The following CACNA1B variants were observed in gnomAD, a reference collection of about 807,000 sequenced individuals.
The protein encoded by CACNA1B is calcium voltage-gated channel subunit alpha1 B, also known as voltage-dependent N-type calcium channel subunit alpha-1B.
CACNA1B carries 70 observed loss-of-function variants against 247.2 expected under a neutral mutation model. The observed-to-expected ratio is 0.28, with a 90% CI of 0.23 to 0.35. CACNA1B has a LOEUF of 0.35. Among genes scored for constraint, CACNA1B ranks in the 10% least tolerant of loss-of-function variants. The probability of loss-of-function intolerance (pLI) is 1.00; values close to 1 mark genes in which losing one functional copy is unlikely to be tolerated. For synonymous variants in CACNA1B, 1,231 were observed against 1,294.4 expected, an observed-to-expected ratio of 0.95 and a Z score of 1.05; for missense variants, 2,367 against 3,197.4, an observed-to-expected ratio of 0.74 and a Z score of 6.26.
chr9:137,898,184 G>A (rs571111185), intron 3 of CACNA1B, among the ~76,000 whole-genome samples: 12 of 152,298 alleles, frequency 7.9e-5, no homozygotes, highest in Middle Eastern at 6.8e-3. Context: ...GAAATCTTCT[G>A]TCAGCTGAGT....
At chr9:137,965,346 C>T (rs886313245) in intron 10 of CACNA1B, among the ~76,000 whole-genome samples, 5 of 152,228 alleles carry the variant, frequency 3.3e-5, no homozygotes, top group Admixed American at 2.6e-4. Flanking sequence ...CTCCTGTGTC[C>T]TGTGTTTAAA....
At chr9:138,045,494 G>T (rs893504602) in intron 21 of CACNA1B, among the ~76,000 whole-genome samples, 1 of 152,204 alleles carries the variant, frequency 6.6e-6, no homozygotes, top group South Asian at 2.1e-4. Context: ...TAAATTAGAT[G>T]TGGAAGGGGA....
chr9:138,086,732 C>G (rs1341255521), intron 36 of CACNA1B, among the ~76,000 whole-genome samples: 1 of 151,244 alleles, frequency 6.6e-6, no homozygotes, highest in Non-Finnish European at 1.5e-5. Flanking sequence ...GTACCCTATG[C>G]TCCGCATTGA....
Position 137,954,984 on chromosome 9 carries a change from G to A in CACNA1B, c.1071-714G>A, listed in dbSNP as rs1473393486. On this transcript the variant is annotated intron_variant, in intron 7 of 46. Coordinates refer to ENST00000371372, the MANE Select transcript of CACNA1B (RefSeq NM_000718.4). This position sits in a 1 kb window ranked among gnomAD's most constrained non-coding sequence, Gnocchi z 4.1. ...GGCCAGGAGGCTGGGGCTGGGCTGG[G>A]GATGCTGAGCTGGAAGGGCAAGTGT... is the stretch of plus-strand genomic sequence containing the variant. Among the ~76,000 whole-genome samples the A allele has an allele frequency of 1.3e-5, 2 of 152,018 alleles. No homozygotes were observed. The highest frequency in any genetic ancestry group is 2.9e-5 in the Non-Finnish European group (2 of 67,994).
At chr9:138,013,827 A>C (rs554259695) in intron 18 of CACNA1B, among the ~76,000 whole-genome samples, 2 of 152,304 alleles carry the variant, frequency 1.3e-5, no homozygotes, top group East Asian at 3.9e-4. Flanking sequence ...AGCTGTGGGG[A>C]GGTCAGTCCC....
Position 137,878,227 on chromosome 9 carries a change from C to CGGGCGGGGCCGGGCGGGACCG in CACNA1B, c.284+27_284+28insACCGGGGCGGGGCCGGGCGGG. On this transcript the variant is annotated intron_variant, in intron 1 of 46. Coordinates refer to ENST00000371372, the MANE Select transcript of CACNA1B (RefSeq NM_000718.4). The stretch of plus-strand genomic sequence containing the variant: ...GCATCACCGAGTGGCCATATCCTGC[C>CGGGCGGGGCCGGGCGGGACCG]GGGCGGGGCCGGGCGGGGCCGGGCG... 1 of 342,748 alleles carries CGGGCGGGGCCGGGCGGGACCG rather than the reference C, an allele frequency of 2.9e-6. No homozygotes were observed. Among genetic ancestry groups the CGGGCGGGGCCGGGCGGGACCG allele is most frequent in the Non-Finnish European group, 4.1e-6 (1 of 241,816 alleles). The allele number at this position is 342,748 out of a possible 1,614,324, so 21.2% of individuals were successfully genotyped here.
chr9:138,117,811 C>A, intron 42 of CACNA1B, 135 bp from the exon 43 acceptor site: 1 of 632,708 alleles, frequency 1.6e-6, no homozygotes, highest in Non-Finnish European at 2.6e-6. Flanking sequence ...TCAATTCAGT[C>A]CAGAACAGGG....
intron 41 of CACNA1B, among the ~76,000 whole-genome samples, 159 bp from the exon 42 acceptor site, chr9:138,115,392 AT>A (rs997348646): frequency 1.3e-4 from 20 of 152,310 alleles, no homozygotes; most frequent in African/African-American, 4.1e-4. Flanking sequence ...TTAGGGACAT[AT>A]CAGGGAAAGT....
At chr9:137,903,050 T>C (rs990929704) in intron 3 of CACNA1B, among the ~76,000 whole-genome samples, 1 of 152,214 alleles carries the variant, frequency 6.6e-6, no homozygotes, top group African/African-American at 2.4e-5. Context: ...TTGGGACAAA[T>C]GCCTAAAAGT....
rs202028375 is a variant in CACNA1B at position 138,123,756 on chromosome 9, T to A, written c.*1757T>A. On this transcript the variant is annotated 3_prime_UTR_variant, in exon 47 of 47. Transcript: ENST00000371372. ...TGTGACCAAACCTTTTTATAGAATT[T>A]CCTTACCTGAAGGCACAACACTCTG... 1.4e-4 allele frequency: 22 copies of A among 152,204 alleles called. No homozygotes were observed. Among genetic ancestry groups the A allele is most frequent in the African/African-American group, 5.3e-4 (22 of 41,526 alleles). 9.4% of individuals were successfully genotyped at this position (152,204 alleles called of 1,614,324 possible).
In CACNA1B at chr9:138,057,389, C is replaced by T. The variant is rs1959550402; in HGVS notation, c.3969-343C>T. ...CACAGAAGTGTCCGATTTGATGCGG[C>T]CTGATTTATCTGTATTTTTTATTCT... On this transcript the variant is annotated intron_variant, in intron 26 of 46. Transcript: ENST00000371372. The surrounding 1 kb of genome is among the most constrained non-coding windows in gnomAD (Gnocchi z 4.0). 6.6e-6 allele frequency among the ~76,000 whole-genome samples: 1 copy of T among 152,160 alleles called. No homozygotes were observed. The highest frequency in any genetic ancestry group is 2.4e-5 in the African/African-American group (1 of 41,434).
intron 42 of CACNA1B, among the ~76,000 whole-genome samples, chr9:138,116,309 T>C (rs1961866206): frequency 6.6e-6 from 1 of 152,264 alleles, no homozygotes; most frequent in Non-Finnish European, 1.5e-5. Flanking sequence ...GGTTCTTTTG[T>C]ATCACTTAAC....
intron 12 of CACNA1B, 127 bp downstream of exon 12, chr9:137,976,146 T>A: frequency 1.5e-6 from 1 of 646,318 alleles, no homozygotes; most frequent in Non-Finnish European, 2.8e-6. Context: ...AAAGGCTGCC[T>A]GAAGACAGTG....
chr9:138,042,237 G>A (rs1351409920), intron 20 of CACNA1B, among the ~76,000 whole-genome samples: 2 of 152,228 alleles, frequency 1.3e-5, no homozygotes, highest in African/African-American at 4.8e-5. Context: ...ATCATTTGAG[G>A]TCAGAAGTTT....
intron 3 of CACNA1B, among the ~76,000 whole-genome samples, chr9:137,886,962 C>G (rs867326249): frequency 6.6e-6 from 1 of 150,890 alleles, no homozygotes. Flanking sequence ...GGTGGTGATT[C>G]GAGGGACATG....
chr9:138,120,798 C>T lies in CACNA1B; in HGVS notation c.6406C>T (p.Arg2136Cys), dbSNP rs770572055. 1.2e-5 allele frequency: 18 copies of T among 1,557,240 alleles called. No homozygotes were observed. Among genetic ancestry groups the T allele is most frequent in the South Asian group, 5.9e-5 (5 of 84,480 alleles). ...RFYSCDRFGGREPPKPKPSLS... is the reference protein window; with the variant it reads ...RFYSCDRFGGCEPPKPKPSLS... ...CTACTCCTGCGACCGCTTTGGGGGCCGTGAGCCCCCGAAGCCCAAGCCCTC... is the reference window on the plus strand; with the variant it reads ...CTACTCCTGCGACCGCTTTGGGGGCTGTGAGCCCCCGAAGCCCAAGCCCTC... Residue 2136 changes from arginine (R) to cysteine (C), a missense_variant, in exon 46 of 47, where the codon CGT becomes TGT. Arg to Cys is a radical substitution (Grantham distance 180). Coordinates refer to ENST00000371372, the MANE Select transcript of CACNA1B (RefSeq NM_000718.4).
At position 138,054,023 on chromosome 9, in the gene CACNA1B, T is replaced by A; in HGVS notation, c.3968+17T>A. On this transcript the variant is annotated intron_variant, in intron 26 of 46. Transcript: ENST00000371372. The surrounding 1 kb of genome is among the most constrained non-coding windows in gnomAD (Gnocchi z 4.6). ...GGACTGCAGGTAAACTGAGGCAGGG[T>A]GCAAGGTGGGACACACAGCCCCATG... 1.2e-6 allele frequency: 2 copies of A among 1,612,852 alleles called. No individual in the cohort carries two copies. Among genetic ancestry groups the A allele is most frequent in the Non-Finnish European group, 1.7e-6 (2 of 1,178,954 alleles).
At chr9:138,114,593 A>G (rs1961789275) in intron 41 of CACNA1B, 103 bp downstream of exon 41, 1 of 632,538 alleles carries the variant, frequency 1.6e-6, no homozygotes, top group Non-Finnish European at 2.8e-6. Context: ...ATTCTTGGAA[A>G]AAGTATCTCA....
At chr9:138,016,825 G>A (rs538580076) in intron 18 of CACNA1B, among the ~76,000 whole-genome samples, 14 of 152,366 alleles carry the variant, frequency 9.2e-5, no homozygotes, top group South Asian at 2.1e-4. Context: ...CTTCCCAGCC[G>A]CACTGCCTGT....
Sources: allele counts gnomAD v4.1 joint callset (sites outside exome capture counted in the v4.1 genomes callset), GRCh38; gene constraint gnomAD v4.1.1; non-coding constraint Gnocchi (gnomAD v3.1); transcripts MANE v1.5; gene names NCBI Gene and HGNC (gene_info 2026-07-23, HGNC 2026-07-21).